The following PRKCE variants were observed in gnomAD, a reference collection of about 807,000 sequenced individuals.
PRKCE encodes protein kinase C epsilon type.
PRKCE carries 16 observed loss-of-function variants against 85.4 expected under a neutral mutation model. That is an observed-to-expected ratio of 0.19 (90% confidence interval 0.13 to 0.28). The LOEUF is 0.28. Ranked by LOEUF, PRKCE falls within the 10% of genes least tolerant of loss-of-function variation. PRKCE has a pLI of 1.00. For missense variants in PRKCE, 573 were observed against 975.2 expected (o/e 0.59, Z 5.49); for synonymous variants, 388 against 371.5 (o/e 1.04, Z -0.51).
chr2:46,167,255 G>A (rs532698579), intron 14 of PRKCE, among the ~76,000 whole-genome samples: 4 of 152,248 alleles, frequency 2.6e-5, no homozygotes, highest in African/African-American at 4.8e-5. Flanking sequence ...TCTGAGCCTC[G>A]GTCTGCTGAT....
intron 10 of PRKCE, among the ~76,000 whole-genome samples, chr2:46,076,237 G>T (rs1431919231): frequency 6.6e-6 from 1 of 152,168 alleles, no homozygotes; most frequent in Non-Finnish European, 1.5e-5. Flanking sequence ...AGATCGCTCT[G>T]GTGGTCAGCA....
intron 12 of PRKCE, among the ~76,000 whole-genome samples, chr2:46,150,504 G>T (rs941071978): frequency 1.3e-5 from 2 of 152,176 alleles, no homozygotes; most frequent in Non-Finnish European, 2.9e-5. Flanking sequence ...CCATTACAGG[G>T]TGGGGGAGAC....
intron 10 of PRKCE, among the ~76,000 whole-genome samples, chr2:46,018,510 A>G (rs563855853): frequency 1.3e-5 from 2 of 152,290 alleles, no homozygotes; most frequent in African/African-American, 4.8e-5. Flanking sequence ...TCTGGCCTCT[A>G]TACAGTGCCC....
chr2:45,835,049 C>T (rs769429400), intron 1 of PRKCE, among the ~76,000 whole-genome samples: 1 of 152,122 alleles, frequency 6.6e-6, no homozygotes. Flanking sequence ...TGTGTTTGCA[C>T]ACGTGGGTGG....
intron 2 of PRKCE, among the ~76,000 whole-genome samples, chr2:45,918,407 A>G (rs1208278415): frequency 6.6e-6 from 1 of 152,222 alleles, no homozygotes; most frequent in African/African-American, 2.4e-5. Flanking sequence ...TTTTTAGTTA[A>G]ACTCTGGTCA....
intron 2 of PRKCE, among the ~76,000 whole-genome samples, chr2:45,963,085 CG>C (rs1406016605): frequency 6.6e-6 from 1 of 152,088 alleles, no homozygotes; most frequent in Non-Finnish European, 1.5e-5. Context: ...TCCTAAGGGA[CG>C]TCTATCTCCC....
intron 11 of PRKCE, among the ~76,000 whole-genome samples, chr2:46,141,001 G>A (rs1413000190): frequency 1.3e-5 from 2 of 152,104 alleles, no homozygotes; most frequent in African/African-American, 2.4e-5. Flanking sequence ...ATACCATGTT[G>A]GGAAAGATAT....
intron 9 of PRKCE, among the ~76,000 whole-genome samples, chr2:46,008,975 A>T (rs1705434750): frequency 2.0e-5 from 3 of 152,222 alleles, no homozygotes; most frequent in Admixed American, 2.0e-4. Flanking sequence ...AACATCATGA[A>T]TTCCCTCATT....
rs367645094 is a variant in PRKCE, at chr2:45,979,046, C to T, written c.607+36C>T. The T allele has an allele frequency of 6.2e-5, 98 of 1,592,276 alleles. 2 individuals carry two copies. In the South Asian group the frequency reaches 6.2e-4, roughly 10 times the overall value. On this transcript the variant is annotated intron_variant, in intron 4 of 14. Transcript: ENST00000306156. ...TTTATGAATTAAATCTTCAGAGGCC[C>T]GTGGTTAGATCCAGATCACTGGCAC... is the stretch of plus-strand genomic sequence containing the variant.
At chr2:45,781,344 A>G (rs969918910) in intron 1 of PRKCE, among the ~76,000 whole-genome samples, 2 of 152,158 alleles carry the variant, frequency 1.3e-5, no homozygotes, top group African/African-American at 2.4e-5. Context: ...CTCAAAACCA[A>G]AAAGAAATCA....
At chr2:46,092,850 C>T (rs1475007866) in intron 11 of PRKCE, among the ~76,000 whole-genome samples, 2 of 152,144 alleles carry the variant, frequency 1.3e-5, no homozygotes. Context: ...CATTGGCACA[C>T]AGTTAGGGAT....
chr2:45,967,690 C>A (rs1303634442), intron 2 of PRKCE, among the ~76,000 whole-genome samples: 1 of 150,964 alleles, frequency 6.6e-6, no homozygotes, highest in Non-Finnish European at 1.5e-5. Flanking sequence ...CAGGATGACT[C>A]ATTTTTTTTC....
intron 1 of PRKCE, among the ~76,000 whole-genome samples, chr2:45,703,072 T>G (rs1273825886): frequency 2.0e-5 from 3 of 151,260 alleles, no homozygotes; most frequent in Non-Finnish European, 2.9e-5. Context: ...GTTGTAAAAT[T>G]TAGCTGTCCT....
intron 1 of PRKCE, among the ~76,000 whole-genome samples, chr2:45,816,495 C>CT (rs1335415382): frequency 1.3e-5 from 2 of 152,176 alleles, no homozygotes; most frequent in Non-Finnish European, 2.9e-5. Flanking sequence ...CCAGAGGTGC[C>CT]TTTTTGTGTC....
chr2:45,699,868 G>A (rs915755994), intron 1 of PRKCE, among the ~76,000 whole-genome samples: 3 of 152,156 alleles, frequency 2.0e-5, no homozygotes, highest in African/African-American at 7.2e-5. Context: ...CGCCGCTTGT[G>A]TCTGATGAGT....
intron 11 of PRKCE, among the ~76,000 whole-genome samples, chr2:46,133,220 T>C (rs540700608): frequency 1.4e-4 from 22 of 152,352 alleles, no homozygotes; most frequent in African/African-American, 5.3e-4. Flanking sequence ...GAAAGGTTAC[T>C]CTTGGTCCTT....
Position 46,179,954 on chromosome 2 carries a change from AGAG to A in PRKCE, c.2068-4779_2068-4777del, listed in dbSNP as rs549918253. On this transcript the variant is annotated intron_variant, in intron 14 of 14. Transcript: ENST00000306156. ...TGGCTCTAGATAAAGTAGCAGCAAG[AGAG>A]GTGCATTTATTAATTTTTTCTAGCA... 3.7e-4 allele frequency among the ~76,000 whole-genome samples: 57 copies of A among 152,344 alleles called. 1 individual carries two copies. The highest frequency in any genetic ancestry group is 3.6e-3 in the Admixed American group (55 of 15,304).
chr2:46,073,804 A>C (rs540497858), intron 10 of PRKCE: 4 of 152,192 alleles, frequency 2.6e-5, no homozygotes, highest in African/African-American at 9.6e-5. Flanking sequence ...GTAAATGAAT[A>C]CATCTGGGGA....
intron 2 of PRKCE, among the ~76,000 whole-genome samples, chr2:45,846,157 A>G (rs937858961): frequency 2.0e-5 from 3 of 152,206 alleles, no homozygotes; most frequent in Non-Finnish European, 2.9e-5. Flanking sequence ...GCTTAAATCA[A>G]AGCACAATTA....
Sources: gnomAD v4.1 joint callset for allele counts (sites outside exome capture counted in the v4.1 genomes callset) on GRCh38, gnomAD v4.1.1 for gene constraint, MANE v1.5 for transcripts, NCBI Gene and HGNC (gene_info 2026-07-23, HGNC 2026-07-21) for gene names.